Variants in RBFOX2 observed in about 807,000 individuals in gnomAD.
The protein encoded by RBFOX2 is RNA binding fox-1 homolog 2.
In RBFOX2, 10 loss-of-function variants were observed where a neutral mutation model predicts 49.1. That is an observed-to-expected ratio of 0.20 (90% CI 0.13 to 0.35). The LOEUF (loss-of-function observed/expected upper bound fraction) is 0.35. Ranked by LOEUF, RBFOX2 falls within the 10% of genes least tolerant of loss-of-function variation. RBFOX2 has a pLI of 1.00. For missense variants in RBFOX2, 323 were observed against 486.9 expected (o/e 0.66, Z 3.17); for synonymous variants, 183 against 187.4 (o/e 0.98, Z 0.19).
At chr22:36,024,075 A>G (rs2059340655) in intron 1 of RBFOX2, among the ~76,000 whole-genome samples, 1 of 152,220 alleles carries the variant, frequency 6.6e-6, no homozygotes, top group African/African-American at 2.4e-5. Flanking sequence ...TTATTCTATA[A>G]AAAGCGGTTA....
At chr22:35,810,770 G>C (rs1346180980) in intron 1 of RBFOX2, among the ~76,000 whole-genome samples, 1 of 152,064 alleles carries the variant, frequency 6.6e-6, no homozygotes, top group Non-Finnish European at 1.5e-5. Context: ...GGTAAGTTTT[G>C]ATATATGCAC....
At chr22:35,946,671 T>C (rs1247685502) in intron 1 of RBFOX2, among the ~76,000 whole-genome samples, 1 of 152,238 alleles carries the variant, frequency 6.6e-6, no homozygotes, top group Non-Finnish European at 1.5e-5. Context: ...TAGCTTCCTC[T>C]ACATCAGCTA....
At chr22:35,919,961 T>C (rs953139001) in intron 1 of RBFOX2, among the ~76,000 whole-genome samples, 1 of 152,226 alleles carries the variant, frequency 6.6e-6, no homozygotes, top group Non-Finnish European at 1.5e-5. Flanking sequence ...TGGACTTTAG[T>C]GTCCTTTCTT....
At chr22:35,762,653 G>A (rs1301288701) in intron 6 of RBFOX2, among the ~76,000 whole-genome samples, 3 of 151,614 alleles carry the variant, frequency 2.0e-5, no homozygotes, top group Non-Finnish European at 2.9e-5. Context: ...CTACAGGCAC[G>A]TGCCACCATG....
intron 2 of RBFOX2, among the ~76,000 whole-genome samples, chr22:35,806,013 G>C (rs1015186579): frequency 6.6e-6 from 1 of 152,168 alleles, no homozygotes; most frequent in Non-Finnish European, 1.5e-5. Context: ...AGACCACAGA[G>C]GATTTTTAGG....
intron 4 of RBFOX2, among the ~76,000 whole-genome samples, chr22:35,774,723 AAAG>A (rs1401730853): frequency 4.4e-4 from 67 of 152,330 alleles, no homozygotes; most frequent in Non-Finnish European, 8.2e-4. Flanking sequence ...CAAGCTGGAA[AAAG>A]AAGAATACTG....
intron 1 of RBFOX2, among the ~76,000 whole-genome samples, chr22:35,862,150 T>TAC (rs1202315058): frequency 6.6e-6 from 1 of 152,122 alleles, no homozygotes; most frequent in Non-Finnish European, 1.5e-5. Flanking sequence ...TTGGGAGCAC[T>TAC]ACAAAGGGGC....
chr22:35,850,234 A>ACACC (rs1458238256), intron 1 of RBFOX2, among the ~76,000 whole-genome samples: 31 of 147,696 alleles, frequency 2.1e-4, no homozygotes, highest in Middle Eastern at 7.0e-3. Context: ...ACACACACAC[A>ACACC]CCCTTCTCAC....
At chr22:35,745,795 CTA>C in intron 11 of RBFOX2, 126 bp downstream of exon 13, 1 of 898,550 alleles carries the variant, frequency 1.1e-6, no homozygotes, top group Non-Finnish European at 1.8e-6. Flanking sequence ...CCAGGTAGAT[CTA>C]TGTGGCTTTA....
intron 1 of RBFOX2, among the ~76,000 whole-genome samples, chr22:35,876,467 T>G (rs896924438): frequency 4.6e-5 from 7 of 151,494 alleles, no homozygotes; most frequent in Non-Finnish European, 1.0e-4. Flanking sequence ...CCTTGTAACG[T>G]TTATTAATAT....
At chr22:35,904,999 C>T (rs1334880432) in intron 1 of RBFOX2, among the ~76,000 whole-genome samples, 1 of 152,156 alleles carries the variant, frequency 6.6e-6, no homozygotes, top group East Asian at 1.9e-4. Context: ...TCCTAGAACA[C>T]GGTAATAACC....
At chr22:35,909,158 A>C (rs1012869791) in intron 1 of RBFOX2, among the ~76,000 whole-genome samples, 1 of 152,138 alleles carries the variant, frequency 6.6e-6, no homozygotes, top group Non-Finnish European at 1.5e-5. Flanking sequence ...GCTATCTTTC[A>C]GAAAATCATT....
At chr22:35,849,304 C>A (rs1172702967) in intron 1 of RBFOX2, among the ~76,000 whole-genome samples, 68 of 126,134 alleles carry the variant, frequency 5.4e-4, no homozygotes, top group African/African-American at 2.0e-3. Flanking sequence ...CACAAACACA[C>A]ACACACACAC....
At chr22:36,026,196 T>C (rs1349201851) in intron 1 of RBFOX2, among the ~76,000 whole-genome samples, 4 of 140,486 alleles carry the variant, frequency 2.8e-5, no homozygotes, top group Non-Finnish European at 6.1e-5. Context: ...AACCCAGAGG[T>C]GGAGGTGGAG....
chr22:35,879,112 T>C (rs1000644754), intron 1 of RBFOX2, among the ~76,000 whole-genome samples: 1 of 152,192 alleles, frequency 6.6e-6, no homozygotes, highest in East Asian at 1.9e-4. Flanking sequence ...CCTTATTGAA[T>C]AGGAAACATT....
chr22:35,992,485 T>G (rs772077691), intron 1 of RBFOX2: 1 of 152,192 alleles, frequency 6.6e-6, no homozygotes, highest in Non-Finnish European at 1.5e-5. Flanking sequence ...TAAGAGATAA[T>G]TTTAAATTCC....
At chr22:36,015,476 G>C (rs2058998595) in intron 1 of RBFOX2, among the ~76,000 whole-genome samples, 1 of 152,210 alleles carries the variant, frequency 6.6e-6, no homozygotes, top group Non-Finnish European at 1.5e-5. Flanking sequence ...GCCACTAACA[G>C]TAACCATGTT....
At chr22:35,792,324 A>T (rs1947871735) in intron 2 of RBFOX2, among the ~76,000 whole-genome samples, 1 of 135,844 alleles carries the variant, frequency 7.4e-6, no homozygotes, top group Admixed American at 7.2e-5. Flanking sequence ...TCAAAAAAAA[A>T]AAAAAAAAAA....
intron 1 of RBFOX2, among the ~76,000 whole-genome samples, chr22:35,949,594 G>C (rs949031176): frequency 9.2e-5 from 14 of 152,172 alleles, no homozygotes; most frequent in Non-Finnish European, 1.8e-4. Flanking sequence ...TCATCCTAAT[G>C]AGTGTGAAGT....
Sources: allele counts gnomAD v4.1 joint callset (sites outside exome capture counted in the v4.1 genomes callset), GRCh38; gene constraint gnomAD v4.1.1; transcripts MANE v1.5; gene names NCBI Gene and HGNC (gene_info 2026-07-23, HGNC 2026-07-21).